Variants in CCDC181 observed in about 807,000 individuals in gnomAD.
The protein encoded by CCDC181 is coiled-coil domain-containing protein 181.
A neutral mutation model predicts 58.7 loss-of-function variants in CCDC181; 35 were observed. The ratio of observed to expected loss-of-function variants is 0.60; its 90% confidence interval spans 0.46 to 0.79. The LOEUF (loss-of-function observed/expected upper bound fraction) is 0.79, where lower values mean the gene tolerates loss of function less well. Ranked by LOEUF, CCDC181 falls within the 30% of genes least tolerant of loss-of-function variation. The probability of loss-of-function intolerance (pLI) is 0.00; values close to 1 mark genes in which losing one functional copy is unlikely to be tolerated. For synonymous variants in CCDC181, 183 were observed against 197.5 expected (o/e 0.93, Z 0.62); for missense variants, 517 against 583.9 (o/e 0.89, Z 1.18).
At position 169,424,917 on chromosome 1, in the gene CCDC181, T is replaced by C. The variant is rs759270486; in HGVS notation, c.11A>G (p.Asn4Ser). ...ACTTTTCTTTGAATCAGTATCTTTATTTTCATTCATTTTCTGTTTGTGAAG... is the reference window on the plus strand; with the variant it reads ...ACTTTTCTTTGAATCAGTATCTTTACTTTCATTCATTTTCTGTTTGTGAAG... MNENKDTDSKKSEE... is the reference protein window; with the variant it reads MNESKDTDSKKSEE... The change falls in exon 2 of 6, where the codon AAT becomes AGT. Residue 4 changes from asparagine (N) to serine (S), a missense_variant. Asn to Ser is a conservative substitution (Grantham distance 46). Coordinates refer to ENST00000367806, the MANE Select transcript of CCDC181 (RefSeq NM_001300969.2). The C allele has an allele frequency of 6.4e-7, 1 of 1,557,344 alleles. No individual in the cohort carries two copies. The highest frequency in any genetic ancestry group is 1.1e-5 in the South Asian group (1 of 89,186).
intron 4 of CCDC181, among the ~76,000 whole-genome samples, chr1:169,410,437 AT>A (rs1026176300): frequency 5.3e-5 from 8 of 152,186 alleles, no homozygotes; most frequent in Non-Finnish European, 1.2e-4. Context: ...CCACACAATA[AT>A]AGTGGGAGAC....
At position 169,442,463 on chromosome 1, in the gene CCDC181, A is replaced by G. The variant is rs954229106; in HGVS notation, c.-24+17334T>C. Among the ~76,000 whole-genome samples, 4 of 152,108 alleles carry G rather than the reference A, an allele frequency of 2.6e-5. No individual in the cohort carries two copies. In the South Asian group the frequency reaches 6.2e-4, roughly 24 times the overall value. ...CTCTCACAGTCCTTTGATTTACTTT[A>G]TTCTAATAAGCTCAGATCTCTGAAT... is the stretch of plus-strand genomic sequence containing the variant. On this transcript the variant is annotated intron_variant, in intron 2 of 6. Transcript: ENST00000545005.
At chr1:169,439,264 C>T (rs1197058910) in intron 2 of CCDC181, among the ~76,000 whole-genome samples, 1 of 152,008 alleles carries the variant, frequency 6.6e-6, no homozygotes, top group East Asian at 1.9e-4. Context: ...CCAACCCAGA[C>T]ACCCCACAAT....
intron 4 of CCDC181, among the ~76,000 whole-genome samples, chr1:169,417,748 A>G (rs1202266690): frequency 1.3e-5 from 2 of 152,136 alleles, no homozygotes; most frequent in Non-Finnish European, 2.9e-5. Context: ...AGAGAGTCCT[A>G]TCACCTAAGA....
intron 2 of CCDC181, among the ~76,000 whole-genome samples, chr1:169,436,344 A>G (rs1192416239): frequency 1.2e-4 from 19 of 152,124 alleles, no homozygotes; most frequent in Non-Finnish European, 1.5e-5. Context: ...TTTTCACGGT[A>G]TGTTTGTGGT....
intron 5 of CCDC181, chr1:169,395,880 T>TG (rs940335280): frequency 7.4e-6 from 1 of 134,964 alleles, no homozygotes; most frequent in African/African-American, 2.6e-5. Context: ...GTTTTGTTGT[T>TG]TTTTTTTTTT....
At chr1:169,405,306 C>T (rs1261218015) in intron 4 of CCDC181, among the ~76,000 whole-genome samples, 1 of 152,194 alleles carries the variant, frequency 6.6e-6, no homozygotes, top group African/African-American at 2.4e-5. Context: ...GAAAAAACTA[C>T]TTTAAAGTTC....
chr1:169,422,369 T>A lies in CCDC181; in HGVS notation c.118-56A>T, dbSNP rs894063223. On this transcript the variant is annotated intron_variant, in intron 2 of 5. Coordinates refer to ENST00000367806, the MANE Select transcript of CCDC181 (RefSeq NM_001300969.2). ...GAGATTCTTCATTTATAAGTAGACA[T>A]ACAAAATGGGATTTTTCCTGTTCAT... 5 of 1,267,228 alleles carry A rather than the reference T, an allele frequency of 3.9e-6. No homozygotes were observed. In the Admixed American group the frequency reaches 1.2e-4, roughly 32 times the overall value. 78.5% of individuals were successfully genotyped at this position (1,267,228 alleles called of 1,614,324 possible). A position where few individuals can be genotyped will look rare whatever the true frequency, so the allele number is the denominator to read the frequency against.
intron 2 of CCDC181, chr1:169,454,659 A>G (rs1399050798): frequency 2.6e-5 from 4 of 152,068 alleles, no homozygotes; most frequent in African/African-American, 7.2e-5. Context: ...TCTTTTAAAA[A>G]ATGTTGTATT....
intron 4 of CCDC181, among the ~76,000 whole-genome samples, chr1:169,410,860 T>A (rs144527897): frequency 6.6e-6 from 1 of 152,024 alleles, no homozygotes; most frequent in Non-Finnish European, 1.5e-5. Flanking sequence ...AAAGACACAA[T>A]GTACCAGATC....
chr1:169,460,296 TGGA>T (rs1304044306), exon 1 of CCDC181: 5 of 152,244 alleles, frequency 3.3e-5, no homozygotes, highest in African/African-American at 1.2e-4. Context: ...GCGTGGGTTT[TGGA>T]GGAGGAGTTT....
upstream of CCDC181, among the ~76,000 whole-genome samples, chr1:169,429,092 A>C (rs12089956): frequency 4.4e-3 from 673 of 152,306 alleles, 5 homozygotes; most frequent in Middle Eastern, 0.014. Context: ...ATAATGATGA[A>C]ATAACCTCCA....
intron 2 of CCDC181, among the ~76,000 whole-genome samples, chr1:169,432,965 A>T (rs1656960068): frequency 6.6e-6 from 1 of 152,214 alleles, no homozygotes. Context: ...TACTGCTATT[A>T]AACATAGTAC....
chr1:169,423,016 A>G (rs1656551206), intron 2 of CCDC181, among the ~76,000 whole-genome samples: 1 of 147,962 alleles, frequency 6.8e-6, no homozygotes, highest in African/African-American at 2.5e-5. Flanking sequence ...AAAAGCTTAT[A>G]TATATAAAAA....
chr1:169,436,449 A>T (rs1325997429), intron 2 of CCDC181, among the ~76,000 whole-genome samples: 1 of 152,152 alleles, frequency 6.6e-6, no homozygotes, highest in African/African-American at 2.4e-5. Context: ...TCTGTCACCC[A>T]AGCTGGAGTG....
intron 4 of CCDC181, among the ~76,000 whole-genome samples, chr1:169,398,341 CTAATTA>C (rs1244718727): frequency 6.6e-6 from 1 of 152,078 alleles, no homozygotes; most frequent in Non-Finnish European, 1.5e-5. Context: ...AGGTAATATG[CTAATTA>C]CACAATGTGT....
chr1:169,451,158 G>T (rs1192672659), intron 2 of CCDC181: 1 of 152,008 alleles, frequency 6.6e-6, no homozygotes, highest in East Asian at 1.9e-4. Flanking sequence ...TTTTTCCAAA[G>T]AAGTTTTTTT....
intron 2 of CCDC181, among the ~76,000 whole-genome samples, chr1:169,439,868 C>G (rs1646660902): frequency 6.6e-6 from 1 of 152,106 alleles, no homozygotes; most frequent in African/African-American, 2.4e-5. Flanking sequence ...GCCATCCCAT[C>G]TCCTCTCTGA....
In CCDC181 at chr1:169,401,097, G is replaced by C. The variant is rs1294143225; in HGVS notation, c.1216-3706C>G. On this transcript the variant is annotated intron_variant, in intron 4 of 5. Coordinates refer to ENST00000367806, the MANE Select transcript of CCDC181 (RefSeq NM_001300969.2). ...AAACTGCAATGCCACAGCAAGGCTA[G>C]GGGAGAGATGTCTGCCATTGCTGAG... Among the ~76,000 whole-genome samples the C allele has an allele frequency of 3.3e-5, 5 of 152,222 alleles. No individual in the cohort carries two copies. In the South Asian group the frequency reaches 8.3e-4, roughly 25 times the overall value.
Sources: allele counts gnomAD v4.1 joint callset (sites outside exome capture counted in the v4.1 genomes callset), GRCh38; gene constraint gnomAD v4.1.1; transcripts MANE v1.5; gene names NCBI Gene and HGNC (gene_info 2026-07-23, HGNC 2026-07-21).